The following NLGN1 variants were observed in gnomAD, a reference collection of about 807,000 sequenced individuals.
The protein encoded by NLGN1 is neuroligin 1.
In NLGN1, 12 loss-of-function variants were observed where a neutral mutation model predicts 65.5. The observed-to-expected ratio is 0.18, with a 90% CI of 0.12 to 0.30. The LOEUF (loss-of-function observed/expected upper bound fraction) is 0.30. Ranked by LOEUF, NLGN1 falls within the 10% of genes least tolerant of loss-of-function variation. The probability of loss-of-function intolerance (pLI) is 1.00; values close to 1 mark genes in which losing one functional copy is unlikely to be tolerated. For missense variants in NLGN1, 750 were observed against 1,007.1 expected (o/e 0.74, Z 3.46); for synonymous variants, 350 against 359.5 (o/e 0.97, Z 0.30).
intron 4 of NLGN1, among the ~76,000 whole-genome samples, chr3:174,223,471 T>C (rs559531072): frequency 1.2e-3 from 177 of 152,252 alleles, no homozygotes; most frequent in Non-Finnish European, 1.5e-3. Flanking sequence ...TTACTCTGTC[T>C]GTTGCTTAAT....
intron 4 of NLGN1, among the ~76,000 whole-genome samples, chr3:173,936,737 T>C (rs903953439): frequency 3.9e-5 from 6 of 152,086 alleles, no homozygotes; most frequent in African/African-American, 1.2e-4. Context: ...TACAACATTA[T>C]AGCCGGAAAC....
chr3:174,205,162 T>C (rs1343176614), intron 4 of NLGN1, among the ~76,000 whole-genome samples: 1 of 152,166 alleles, frequency 6.6e-6, no homozygotes, highest in Non-Finnish European at 1.5e-5. Context: ...TGAAAATACA[T>C]TGTGGTTTTT....
chr3:174,155,055 T>G (rs1222518022), intron 4 of NLGN1, among the ~76,000 whole-genome samples: 2 of 133,486 alleles, frequency 1.5e-5, no homozygotes, highest in African/African-American at 6.0e-5. Context: ...ATATATTATT[T>G]AATATAAAAT....
At chr3:173,535,338 T>C (rs978404105) in intron 2 of NLGN1, among the ~76,000 whole-genome samples, 6 of 152,212 alleles carry the variant, frequency 3.9e-5, no homozygotes, top group African/African-American at 1.4e-4. Context: ...ACTTTTGATG[T>C]TGTGAAAAAT....
At chr3:173,887,281 A>G (rs1734521749) in intron 4 of NLGN1, among the ~76,000 whole-genome samples, 1 of 152,048 alleles carries the variant, frequency 6.6e-6, no homozygotes, top group Admixed American at 6.6e-5. Flanking sequence ...TTCTTGGATC[A>G]CAATGATTCT....
chr3:174,231,205 G>A (rs1018526493), intron 4 of NLGN1, among the ~76,000 whole-genome samples: 32 of 152,156 alleles, frequency 2.1e-4, no homozygotes, highest in African/African-American at 7.0e-4. Flanking sequence ...AACTTCAGCC[G>A]AATTAAATTT....
intron 2 of NLGN1, among the ~76,000 whole-genome samples, chr3:173,478,386 A>G (rs1340733953): frequency 6.6e-6 from 1 of 152,036 alleles, no homozygotes; most frequent in Non-Finnish European, 1.5e-5. Flanking sequence ...GGAACAACAC[A>G]TACTGGGGCC....
At chr3:173,556,738 A>G (rs1007355422) in intron 2 of NLGN1, among the ~76,000 whole-genome samples, 1 of 152,104 alleles carries the variant, frequency 6.6e-6, no homozygotes, top group Non-Finnish European at 1.5e-5. Flanking sequence ...TAGGATGTCA[A>G]GGTTGCCTTG....
intron 2 of NLGN1, among the ~76,000 whole-genome samples, chr3:173,532,236 C>T (rs1202029348): frequency 1.3e-5 from 2 of 152,074 alleles, no homozygotes; most frequent in Non-Finnish European, 2.9e-5. Flanking sequence ...TTCCAGGACC[C>T]TAGAGAATGG....
At chr3:173,862,505 CAAAAAA>C (rs10601211) in intron 4 of NLGN1, among the ~76,000 whole-genome samples, 1 of 41,708 alleles carries the variant, frequency 2.4e-5, no homozygotes, top group Non-Finnish European at 4.9e-5. Flanking sequence ...GACTCCGTCT[CAAAAAA>C]AAAAAAAAAA....
chr3:173,765,207 C>T (rs1241786221), intron 3 of NLGN1, among the ~76,000 whole-genome samples: 3 of 151,422 alleles, frequency 2.0e-5, no homozygotes, highest in Non-Finnish European at 2.9e-5. Flanking sequence ...AGAACAAAAG[C>T]GAGAAAGCTG....
chr3:174,270,614 A>T (rs971217345), intron 4 of NLGN1, among the ~76,000 whole-genome samples: 2 of 151,870 alleles, frequency 1.3e-5, no homozygotes, highest in African/African-American at 4.8e-5. Flanking sequence ...GTAGTGACAG[A>T]TAGAAGGGAT....
chr3:173,942,103 G>A (rs951882237), intron 4 of NLGN1, among the ~76,000 whole-genome samples: 33 of 143,686 alleles, frequency 2.3e-4, no homozygotes, highest in African/African-American at 8.8e-4. Flanking sequence ...AATATTGGTG[G>A]TTGGGGGTGT....
At chr3:173,780,595 T>C (rs1231207673) in intron 3 of NLGN1, among the ~76,000 whole-genome samples, 4 of 152,236 alleles carry the variant, frequency 2.6e-5, no homozygotes, top group Non-Finnish European at 5.9e-5. Context: ...GTTACTTTAT[T>C]GATGAGGTAA....
chr3:173,778,733 T>C (rs551438938), intron 3 of NLGN1, among the ~76,000 whole-genome samples: 214 of 152,040 alleles, frequency 1.4e-3, no homozygotes, highest in African/African-American at 4.9e-3. Flanking sequence ...TGCATGAAAA[T>C]TTATTTTTAA....
chr3:173,874,322 T>A (rs1359082079), intron 4 of NLGN1, among the ~76,000 whole-genome samples: 1 of 152,210 alleles, frequency 6.6e-6, no homozygotes, highest in Non-Finnish European at 1.5e-5. Flanking sequence ...TGATGAATCC[T>A]ATGGATCCCT....
At chr3:173,711,466 AG>A (rs1173482510) in intron 3 of NLGN1, among the ~76,000 whole-genome samples, 1 of 152,194 alleles carries the variant, frequency 6.6e-6, no homozygotes, top group Non-Finnish European at 1.5e-5. Flanking sequence ...ACTAGGATTT[AG>A]GGTTTAAATT....
At chr3:173,891,277 C>A (rs1298197174) in intron 4 of NLGN1, among the ~76,000 whole-genome samples, 1 of 152,096 alleles carries the variant, frequency 6.6e-6, no homozygotes, top group Non-Finnish European at 1.5e-5. Flanking sequence ...AAATATATAG[C>A]CTGATCTCTC....
At chr3:173,451,501 G>A (rs1005734643) in intron 2 of NLGN1, among the ~76,000 whole-genome samples, 1 of 152,180 alleles carries the variant, frequency 6.6e-6, no homozygotes, top group South Asian at 2.1e-4. Context: ...AGGCTACTCG[G>A]GGGTCAGGGA....
Sources: gnomAD v4.1 joint callset for allele counts (sites outside exome capture counted in the v4.1 genomes callset) on GRCh38, gnomAD v4.1.1 for gene constraint, MANE v1.5 for transcripts, NCBI Gene and HGNC (gene_info 2026-07-23, HGNC 2026-07-21) for gene names.